MYO1D: variants seen among roughly 807,000 people sequenced by gnomAD.
MYO1D encodes unconventional myosin-Id.
In MYO1D, 83 loss-of-function variants were observed where a neutral mutation model predicts 122.0. The observed-to-expected ratio is 0.68, with a 90% CI of 0.57 to 0.82. MYO1D has a LOEUF of 0.82. MYO1D is among the 40% of genes least tolerant of loss of function. The pLI, the probability that MYO1D is intolerant of heterozygous loss-of-function variation, is 0.00. For missense variants in MYO1D, 1,157 were observed against 1,269.5 expected, an observed-to-expected ratio of 0.91 and a Z score of 1.35; for synonymous variants, 464 against 446.9, an observed-to-expected ratio of 1.04 and a Z score of -0.48.
intron 16 of MYO1D, among the ~76,000 whole-genome samples, chr17:32,700,724 A>G (rs2089236733): frequency 6.6e-6 from 1 of 152,172 alleles, no homozygotes; most frequent in Non-Finnish European, 1.5e-5. Context: ...CAGGTGGATC[A>G]CTTGAGGTCA....
chr17:32,789,096 T>C (rs1401783939), intron 1 of MYO1D, among the ~76,000 whole-genome samples: 1 of 152,208 alleles, frequency 6.6e-6, no homozygotes, highest in Non-Finnish European at 1.5e-5. Flanking sequence ...GTGCTGCTGA[T>C]TTGTGTACAC....
Position 32,778,519 on chromosome 17 carries a change from G to A in MYO1D, c.359C>T (p.Ala120Val). ...EASKYIMQYI[A>V]AITNPSQRAE... ...TCTCTGACTGGGGTTGGTGATGGCC[G>A]CAATATACTGCATAATGTACTTACT... The change falls in exon 3 of 22, where the codon GCG (alanine) becomes GTG (valine). Residue 120 changes from alanine to valine, a missense_variant. Coordinates refer to ENST00000318217, the MANE Select transcript of MYO1D (RefSeq NM_015194.3). 3.1e-6 allele frequency: 5 copies of A among 1,613,934 alleles called. No homozygotes were observed. The highest frequency in any genetic ancestry group is 1.7e-4 in the Middle Eastern group (1 of 6,060).
chr17:32,531,575 G>T lies in MYO1D; in HGVS notation c.2865-36660C>A, dbSNP rs538524454. On this transcript the variant is annotated intron_variant, in intron 21 of 21. Transcript: ENST00000318217. Reference sequence around the variant, plus strand: ...GCAAATAAGAATGTTGTTGGAAAAAGATTCTATAAAGGCCATTGCTTTTCC... The same window carrying T: ...GCAAATAAGAATGTTGTTGGAAAAATATTCTATAAAGGCCATTGCTTTTCC... 159 of 152,300 alleles carry T rather than the reference G, an allele frequency of 1.0e-3. 1 individual carries two copies. Among genetic ancestry groups the T allele is most frequent in the African/African-American group, 3.6e-3 (150 of 41,560 alleles). The allele number at this position is 152,300 out of a possible 1,614,324, so 9.4% of individuals were successfully genotyped here.
intron 19 of MYO1D, 69 bp from the exon 20 acceptor site, chr17:32,638,904 G>C: frequency 9.4e-7 from 1 of 1,068,022 alleles, no homozygotes. Flanking sequence ...TGATTGTGAA[G>C]ACAAATTCTT....
intron 21 of MYO1D, among the ~76,000 whole-genome samples, chr17:32,591,305 G>A (rs1285593592): frequency 6.6e-6 from 1 of 152,216 alleles, no homozygotes; most frequent in East Asian, 1.9e-4. Flanking sequence ...ATAGCAGGTG[G>A]GACTGAGTGC....
intron 7 of MYO1D, among the ~76,000 whole-genome samples, chr17:32,766,286 A>C (rs751412843): frequency 8.5e-5 from 13 of 152,250 alleles, no homozygotes; most frequent in Non-Finnish European, 1.8e-4. Flanking sequence ...CCATCTACCA[A>C]ATGTCCAGCA....
intron 21 of MYO1D, among the ~76,000 whole-genome samples, chr17:32,509,530 G>T (rs2150858199): frequency 6.6e-6 from 1 of 152,260 alleles, no homozygotes; most frequent in East Asian, 1.9e-4. Context: ...CACTGCACTG[G>T]CTCCATGCAG....
chr17:32,522,837 G>A (rs1181038220), intron 21 of MYO1D, among the ~76,000 whole-genome samples: 1 of 141,944 alleles, frequency 7.0e-6, no homozygotes, highest in Non-Finnish European at 1.5e-5. Context: ...TTTTTTTTGA[G>A]ATGGAGTCTC....
At chr17:32,659,573 T>G (rs2088530358) in intron 16 of MYO1D, 5 of 547,072 alleles carry the variant, frequency 9.1e-6, no homozygotes, top group South Asian at 8.8e-5. Flanking sequence ...CACTGAAGTG[T>G]GTGCTGAGCC....
At chr17:32,547,477 T>C (rs2086973129) in intron 21 of MYO1D, among the ~76,000 whole-genome samples, 1 of 152,254 alleles carries the variant, frequency 6.6e-6, no homozygotes, top group South Asian at 2.1e-4. Context: ...TGCATAGTCA[T>C]TAACATGTCA....
intron 16 of MYO1D, among the ~76,000 whole-genome samples, chr17:32,666,267 A>C (rs907790237): frequency 6.6e-6 from 1 of 152,192 alleles, no homozygotes; most frequent in Non-Finnish European, 1.5e-5. Flanking sequence ...AGAACAAGGC[A>C]AACTGTCTTG....
intron 21 of MYO1D, among the ~76,000 whole-genome samples, chr17:32,588,675 G>A (rs1472340562): frequency 6.6e-6 from 1 of 152,146 alleles, no homozygotes; most frequent in Non-Finnish European, 1.5e-5. Context: ...CAAAGGCTGG[G>A]CATGGTGGCT....
chr17:32,876,164 T>C (rs1247087946), intron 1 of MYO1D, among the ~76,000 whole-genome samples: 1 of 152,036 alleles, frequency 6.6e-6, no homozygotes, highest in East Asian at 1.9e-4. Flanking sequence ...TCTGGAAACG[T>C]GTCTAATTAC....
chr17:32,832,238 C>T (rs1364820376), intron 1 of MYO1D, among the ~76,000 whole-genome samples: 1 of 151,730 alleles, frequency 6.6e-6, no homozygotes, highest in Non-Finnish European at 1.5e-5. Context: ...CCCTTGACTC[C>T]ACTGCTGGAA....
chr17:32,510,740 G>C (rs575687411), intron 21 of MYO1D: 7 of 152,182 alleles, frequency 4.6e-5, no homozygotes, highest in Admixed American at 4.6e-4. Context: ...CCCTGCGTCG[G>C]TTCTCTCTTT....
chr17:32,538,847 C>A (rs967573758), intron 21 of MYO1D, among the ~76,000 whole-genome samples: 1 of 152,050 alleles, frequency 6.6e-6, no homozygotes, highest in Non-Finnish European at 1.5e-5. Context: ...AACACAGGAA[C>A]AGAAAACCAA....
At chr17:32,872,978 G>A (rs903019095) in intron 1 of MYO1D, among the ~76,000 whole-genome samples, 6 of 151,792 alleles carry the variant, frequency 4.0e-5, no homozygotes, top group Non-Finnish European at 8.8e-5. Flanking sequence ...TTACAGGCGT[G>A]AGCCACCGCG....
chr17:32,708,850 A>G (rs531487336), intron 16 of MYO1D, among the ~76,000 whole-genome samples: 2 of 152,290 alleles, frequency 1.3e-5, no homozygotes, highest in African/African-American at 2.4e-5. Flanking sequence ...CTCTTTTAGA[A>G]TCTCTTTCCT....
intron 21 of MYO1D, among the ~76,000 whole-genome samples, chr17:32,539,276 TACACACACACACACAC>T (rs5819986): frequency 1.6e-4 from 22 of 133,514 alleles, no homozygotes; most frequent in Middle Eastern, 3.5e-3. Context: ...ACCCTGTCTC[TACACACACACACACAC>T]ACACACACAC....
Sources: allele counts gnomAD v4.1 joint callset (sites outside exome capture counted in the v4.1 genomes callset), GRCh38; gene constraint gnomAD v4.1.1; transcripts MANE v1.5; gene names NCBI Gene and HGNC (gene_info 2026-07-23, HGNC 2026-07-21).